FXYD2: variants seen among roughly 807,000 people sequenced by gnomAD.
FXYD2 encodes the protein sodium/potassium-transporting ATPase subunit gamma.
In FXYD2, 8 loss-of-function variants were observed where a neutral mutation model predicts 11.8. The ratio of observed to expected loss-of-function variants is 0.68; its 90% CI spans 0.40 to 1.22. The LOEUF is 1.22. Ranked by LOEUF, FXYD2 falls within the 50% of genes most tolerant of loss-of-function variation. The pLI is 0.01. For missense variants in FXYD2, 92 were observed against 91.8 expected (o/e 1.00, Z -0.01); for synonymous variants, 42 against 33.3 (o/e 1.26, Z -0.90).
In FXYD2 at chr11:117,822,830, G is replaced by A; in HGVS notation, c.26-113C>T. ...CAGAGGACCCTCGAGGGTCCAAGCAGGCGAGGGGAGGCTGGGAGCAGGGGT... is the reference window on the plus strand; with the variant it reads ...CAGAGGACCCTCGAGGGTCCAAGCAAGCGAGGGGAGGCTGGGAGCAGGGGT... On this transcript the variant is annotated intron_variant, in intron 1 of 5. Transcript: ENST00000292079. This position sits in a 1 kb window ranked among gnomAD's most constrained non-coding sequence, Gnocchi z 4.7. 7.1e-7 allele frequency: 1 copy of A among 1,404,860 alleles called. No homozygotes were observed. The highest frequency in any genetic ancestry group is 2.4e-5 in the East Asian group (1 of 41,560). The allele number at this position is 1,404,860 out of a possible 1,614,324, so 87.0% of individuals were successfully genotyped here. A position where few individuals can be genotyped will look rare whatever the true frequency, so the allele number is the denominator to read the frequency against.
intron 3 of FXYD2, chr11:117,821,907 G>C: frequency 9.8e-7 from 1 of 1,015,350 alleles, no homozygotes; most frequent in Non-Finnish European, 1.2e-6. Context: ...TCAATGTGCA[G>C]TTATTAAGCT....
chr11:117,821,936 G>A (rs890212895), intron 3 of FXYD2: 12 of 1,039,214 alleles, frequency 1.2e-5, no homozygotes, highest in Non-Finnish European at 1.4e-5. Flanking sequence ...GTGCCCCTCG[G>A]GGCTTGAGGA....
At chr11:117,823,565 C>T (rs2055964657) in intron 1 of FXYD2, among the ~76,000 whole-genome samples, 1 of 152,216 alleles carries the variant, frequency 6.6e-6, no homozygotes, top group Non-Finnish European at 1.5e-5. Context: ...TGGTGGCCTC[C>T]CCCGGATTTG....
At chr11:117,827,917 G>T, upstream of FXYD2, 1 of 965,452 alleles carries the variant, frequency 1.0e-6, no homozygotes, top group Non-Finnish European at 1.6e-6. Context: ...GGAGCTTGTG[G>T]GTGCACTTGA....
At chr11:117,820,726 G>A in intron 4 of FXYD2, 30 bp from the exon 5 acceptor site, 2 of 1,613,938 alleles carry the variant, frequency 1.2e-6, no homozygotes, top group Non-Finnish European at 1.7e-6. Flanking sequence ...CAACAGGTGA[G>A]AGGGCAGGGG....
At chr11:117,821,776 G>A in intron 3 of FXYD2, 1 of 989,300 alleles carries the variant, frequency 1.0e-6, no homozygotes, top group African/African-American at 1.7e-5. Context: ...CCCGAGCCTT[G>A]GGGTGGGGTG....
In FXYD2 at chr11:117,822,947, G is replaced by A. The variant is rs191571857; in HGVS notation, c.26-230C>T. Among the ~76,000 whole-genome samples, 19 of 152,222 alleles carry A rather than the reference G, an allele frequency of 1.2e-4. No homozygotes were observed. The highest frequency in any genetic ancestry group is 2.4e-4 in the Non-Finnish European group (16 of 68,010). ...AATACCGAGTGTCCGAGGGGGATCC[G>A]TGCTGTCTGGGGGGCCTCTGACCAC... On this transcript the variant is annotated intron_variant, in intron 1 of 5. Coordinates refer to ENST00000292079, the MANE Select transcript of FXYD2 (RefSeq NM_001680.5). This position sits in a 1 kb window ranked among gnomAD's most constrained non-coding sequence, Gnocchi z 4.7.
chr11:117,822,512 G>A lies in FXYD2; in HGVS notation c.65-32C>T. The A allele has an allele frequency of 6.4e-7, 1 of 1,556,512 alleles. No homozygotes were observed. The highest frequency in any genetic ancestry group is 8.7e-7 in the Non-Finnish European group (1 of 1,149,382). On this transcript the variant is annotated intron_variant, in intron 2 of 5. Transcript: ENST00000292079. This position sits in a 1 kb window ranked among gnomAD's most constrained non-coding sequence, Gnocchi z 4.7. ...AAAGAGAGGGCAAGAGGAGCGGGAT[G>A]GGTGGTCTCTCCCAGCAGCTGTCTC...
At chr11:117,827,829 A>G (rs1414319918), upstream of FXYD2, among the ~76,000 whole-genome samples, 1 of 152,196 alleles carries the variant, frequency 6.6e-6, no homozygotes, top group African/African-American at 2.4e-5. Flanking sequence ...ACGTTACAGC[A>G]GGCCAGTGAC....
rs747791835 is a variant in FXYD2, at chr11:117,824,647, C to T, written c.25+7G>A. On this transcript the variant is annotated splice_region_variant and intron_variant, in intron 1 of 5. Transcript: ENST00000292079. This position sits in a 1 kb window ranked among gnomAD's most constrained non-coding sequence, Gnocchi z 4.0. ...ACACGCCCGGGCACGCACACCAGCA[C>T]ACTCACCACCGTCCATCGACAACCC... The T allele has an allele frequency of 2.5e-6, 4 of 1,613,104 alleles. No individual in the cohort carries two copies. In the South Asian group the frequency reaches 4.4e-5, roughly 18 times the overall value.
upstream of FXYD2, among the ~76,000 whole-genome samples, chr11:117,827,763 G>T (rs1252698311): frequency 2.0e-5 from 3 of 152,214 alleles, no homozygotes; most frequent in African/African-American, 7.2e-5. Context: ...ACAAGTAAAT[G>T]AGGCAGTTGG....
At chr11:117,826,912 C>T (rs934736539), upstream of FXYD2, among the ~76,000 whole-genome samples, 2 of 151,940 alleles carry the variant, frequency 1.3e-5, no homozygotes, top group East Asian at 1.9e-4. Context: ...GCTGTCTTTG[C>T]TCCTTGGTGG....
At position 117,824,524 on chromosome 11, in the gene FXYD2, G is replaced by A. The variant is rs2055992925; in HGVS notation, c.25+130C>T. On this transcript the variant is annotated intron_variant, in intron 1 of 5. Transcript: ENST00000292079. This position sits in a 1 kb window ranked among gnomAD's most constrained non-coding sequence, Gnocchi z 4.0. ...CTTAGAGAGGAGGCCGACAGGAAGA[G>A]GGGCTGGGTACTCTGGAAGGCTGAG... 1.3e-6 allele frequency: 1 copy of A among 773,718 alleles called. No homozygotes were observed. The highest frequency in any genetic ancestry group is 2.3e-6 in the Non-Finnish European group (1 of 438,774). 47.9% of individuals were successfully genotyped at this position (773,718 alleles called of 1,614,324 possible).
chr11:117,820,991 T>TGC, intron 3 of FXYD2, 96 bp from the exon 4 acceptor site: 1 of 1,568,160 alleles, frequency 6.4e-7, no homozygotes, highest in Non-Finnish European at 8.8e-7. Context: ...ACCTCCCTCC[T>TGC]GCCAGTATCA....
At chr11:117,825,067 C>T (rs576830601), upstream of FXYD2, among the ~76,000 whole-genome samples, 1 of 152,318 alleles carries the variant, frequency 6.6e-6, no homozygotes, top group South Asian at 2.1e-4. Flanking sequence ...TTGGGAGTTT[C>T]TGGGGGCAGT....
At chr11:117,826,652 G>C (rs1341187382), upstream of FXYD2, among the ~76,000 whole-genome samples, 1 of 152,164 alleles carries the variant, frequency 6.6e-6, no homozygotes, top group Non-Finnish European at 1.5e-5. Context: ...TATTATACAG[G>C]ATTGTGTTAT....
rs896220650 is a variant in FXYD2 at position 117,820,507 on chromosome 11, G to T, written c.*7-135C>A. ...GGCACACACTCCACGCCAGGCCCTT[G>T]GCCATCATTTTAAACACACGATGGG... On this transcript the variant is annotated intron_variant, in intron 5 of 5. Transcript: ENST00000292079. The T allele has an allele frequency of 7.0e-6, 6 of 853,040 alleles. No individual in the cohort carries two copies. In the African/African-American group the frequency reaches 8.4e-5, roughly 12 times the overall value. 52.8% of individuals were successfully genotyped at this position (853,040 alleles called of 1,614,324 possible). A position where few individuals can be genotyped will look rare whatever the true frequency, so the allele number is the denominator to read the frequency against.
intron 1 of FXYD2, among the ~76,000 whole-genome samples, chr11:117,823,465 G>A (rs1036610270): frequency 6.6e-6 from 1 of 152,232 alleles, no homozygotes; most frequent in South Asian, 2.1e-4. Flanking sequence ...GCAGGGGGCT[G>A]AGAATGGAGG....
intron 4 of FXYD2, 30 bp downstream of exon 4, chr11:117,820,829 C>T (rs979671121): frequency 1.8e-5 from 29 of 1,613,888 alleles, no homozygotes; most frequent in East Asian, 2.2e-5. Context: ...AGCCCCAACC[C>T]CCTCATCGGT....
Sources: gnomAD v4.1 joint callset for allele counts (sites outside exome capture counted in the v4.1 genomes callset) on GRCh38, gnomAD v4.1.1 for gene constraint, Gnocchi (gnomAD v3.1) non-coding constraint, MANE v1.5 for transcripts, NCBI Gene and HGNC (gene_info 2026-07-23, HGNC 2026-07-21) for gene names.